PLXND1: variants seen among roughly 807,000 people sequenced by gnomAD.
PLXND1 encodes plexin D1.
In PLXND1, 54 loss-of-function variants were observed where a neutral mutation model predicts 197.7. The ratio of observed to expected loss-of-function variants is 0.27; its 90% CI spans 0.22 to 0.34. The LOEUF is 0.34. Ranked by LOEUF, PLXND1 falls within the 10% of genes least tolerant of loss-of-function variation. PLXND1 has a pLI of 1.00. For synonymous variants in PLXND1, 1,180 were observed against 1,161.2 expected (o/e 1.02, Z -0.33); for missense variants, 2,127 against 2,699.2 (o/e 0.79, Z 4.70).
intron 8 of PLXND1, among the ~76,000 whole-genome samples, chr3:129,579,665 C>A (rs969232486): frequency 1.3e-5 from 2 of 152,210 alleles, no homozygotes; most frequent in African/African-American, 4.8e-5. Context: ...GGACTACAAC[C>A]ACCCTTCAGC....
At position 129,605,469 on chromosome 3, in the gene PLXND1, A is replaced by T. The variant is rs1274862907; in HGVS notation, c.1171T>A (p.Phe391Ile). ...GCGGCTCGCACGTCGGCGAAGCGGA[A>T]GGCGCAGAGTGCGGCCGGAGCAGCG... ...ARAAPAALCA[F>I]RFADVRAAIR... The change falls in exon 1 of 36, where the codon TTC becomes ATC. Residue 391 changes from phenylalanine (F) to isoleucine (I), a missense_variant. Coordinates refer to ENST00000324093, the MANE Select transcript of PLXND1 (RefSeq NM_015103.3). The T allele has an allele frequency of 6.7e-7, 1 of 1,501,084 alleles. No individual in the cohort carries two copies. The highest frequency in any genetic ancestry group is 2.1e-5 in the Admixed American group (1 of 46,606). 93.0% of individuals were successfully genotyped at this position (1,501,084 alleles called of 1,614,324 possible).
At chr3:129,588,592 C>T (rs1038047048) in intron 2 of PLXND1, among the ~76,000 whole-genome samples, 5 of 152,366 alleles carry the variant, frequency 3.3e-5, no homozygotes, top group Non-Finnish European at 5.9e-5. Context: ...ACAGCGTCTG[C>T]CCAGGCAGTG....
intron 3 of PLXND1, 25 bp from the exon 4 acceptor site, chr3:129,586,297 C>T: frequency 2.0e-6 from 3 of 1,493,778 alleles, no homozygotes; most frequent in South Asian, 1.2e-5. Context: ...GGGGGCCCAG[C>T]TCAATGGGAC....
chr3:129,578,117 C>T (rs975545696), intron 9 of PLXND1, among the ~76,000 whole-genome samples: 3 of 152,234 alleles, frequency 2.0e-5, no homozygotes, highest in Non-Finnish European at 2.9e-5. Context: ...GCCCTCACCA[C>T]TTCCTCTTCT....
intron 8 of PLXND1, among the ~76,000 whole-genome samples, chr3:129,581,821 G>A (rs1447914625): frequency 6.6e-6 from 1 of 152,240 alleles, no homozygotes; most frequent in East Asian, 1.9e-4. Flanking sequence ...AATGCTGAAC[G>A]GACTGTGACG....
Position 129,558,499 on chromosome 3 carries a change from C to T in PLXND1, c.5374G>A (p.Asp1792Asn), listed in dbSNP as rs765136044. 5 of 1,613,974 alleles carry T rather than the reference C, an allele frequency of 3.1e-6. No homozygotes were observed. The highest frequency in any genetic ancestry group is 1.7e-5 in the Admixed American group (1 of 60,024). ...VFDIDKTDHI[D>N]ACLSVIAQAF... ...TGCGCGATGACTGAAAGGCAGGCGTCGATGTGGTCTGTCTTGTCGATGTCA... is the reference window on the plus strand; with the variant it reads ...TGCGCGATGACTGAAAGGCAGGCGTTGATGTGGTCTGTCTTGTCGATGTCA... The change falls in exon 33 of 36, where the codon GAC (aspartate) becomes AAC (asparagine). Residue 1792 changes from aspartate to asparagine, a missense_variant. Physicochemically the swap from Asp to Asn is conservative, Grantham distance 23. Transcript: ENST00000324093. The surrounding 1 kb of genome is among the most constrained non-coding windows in gnomAD (Gnocchi z 4.1).
rs74662777 is a variant in PLXND1, at chr3:129,575,401, G to A, written c.2530+68C>T. On this transcript the variant is annotated intron_variant, in intron 11 of 35. Coordinates refer to ENST00000324093, the MANE Select transcript of PLXND1 (RefSeq NM_015103.3). ...TTTGGGGCAACCACTGGAATGAGTC[G>A]CACAAGGCTGAGCCCCACCCACTGC... 2,873 of 961,184 alleles carry A rather than the reference G, an allele frequency of 3.0e-3. 57 individuals are homozygous for A. In the African/African-American group the frequency reaches 0.042, roughly 14 times the overall value. The allele number at this position is 961,184 out of a possible 1,614,324, so 59.5% of individuals were successfully genotyped here.
chr3:129,557,034 G>T lies in PLXND1; in HGVS notation c.5586+49C>A. 6.7e-7 allele frequency: 1 copy of T among 1,493,808 alleles called. No homozygotes were observed. The highest frequency in any genetic ancestry group is 9.2e-7 in the Non-Finnish European group (1 of 1,083,604). 92.5% of individuals were successfully genotyped at this position (1,493,808 alleles called of 1,614,324 possible). A position where few individuals can be genotyped will look rare whatever the true frequency, so the allele number is the denominator to read the frequency against. ...CATTGAGGCCCAGCCCCCGACCCCC[G>T]ATCCCTCAGCTCTTCAGGCCCCCAT... On this transcript the variant is annotated intron_variant, in intron 34 of 35. Transcript: ENST00000324093. This position sits in a 1 kb window ranked among gnomAD's most constrained non-coding sequence, Gnocchi z 4.8.
At position 129,584,394 on chromosome 3, in the gene PLXND1, G is replaced by C. The variant is rs1039247005; in HGVS notation, c.2020C>G (p.Pro674Ala). 6.2e-6 allele frequency: 10 copies of C among 1,612,544 alleles called. No individual in the cohort carries two copies. Among genetic ancestry groups the C allele is most frequent in the Admixed American group, 3.3e-5 (2 of 59,968 alleles). Residue 674 changes from proline to alanine, a missense_variant, in exon 6 of 36, where the codon CCC (proline) becomes GCC (alanine). Pro to Ala is a conservative substitution (Grantham distance 27). This residue lies in a region of PLXND1 where 1,095 missense variants were observed against 1,259.8 expected (regional missense o/e 0.87). Transcript: ENST00000324093. Reference sequence around the variant, plus strand: ...AGCACAGCGTGCTTACCCTGGTTGGGGGGGAAGGGCGGAAACTGGTCCCTC... The same window carrying C: ...AGCACAGCGTGCTTACCCTGGTTGGCGGGGAAGGGCGGAAACTGGTCCCTC... ...LPRDQFPPFP[P>A]NQDHVTVEMS...
chr3:129,558,466 T>C lies in PLXND1; in HGVS notation c.5407A>G (p.Ile1803Val). 1 of 1,613,950 alleles carries C rather than the reference T, an allele frequency of 6.2e-7. No individual in the cohort carries two copies. Among genetic ancestry groups the C allele is most frequent in the Non-Finnish European group, 8.5e-7 (1 of 1,180,004 alleles). Residue 1803 changes from isoleucine to valine, a missense_variant, in exon 33 of 36, where the codon ATC (isoleucine) becomes GTC (valine). Around this residue, in one of 6 missense-constraint regions of PLXND1, gnomAD observed 200 missense variants for 303.3 expected, o/e 0.66. Coordinates refer to ENST00000324093, the MANE Select transcript of PLXND1 (RefSeq NM_015103.3). The surrounding 1 kb of genome is among the most constrained non-coding windows in gnomAD (Gnocchi z 4.1). ...ACLSVIAQAF[I>V]DACSISDLQL... is the part of the protein sequence containing the mutation. The stretch of plus-strand genomic sequence containing the variant: ...AGGTCAGAGATGGAGCAGGCGTCGA[T>C]GAAGGCCTGCGCGATGACTGAAAGG...
At chr3:129,592,576 G>C (rs1182674513) in intron 1 of PLXND1, among the ~76,000 whole-genome samples, 1 of 152,118 alleles carries the variant, frequency 6.6e-6, no homozygotes, top group Non-Finnish European at 1.5e-5. Context: ...CAGGGAGGAG[G>C]GGAGCAGGAG....
chr3:129,605,293 G>GCCCCCGCCGCCT (rs916806650), intron 1 of PLXND1, 36 bp downstream of exon 1: 4 of 831,034 alleles, frequency 4.8e-6, no homozygotes, highest in Non-Finnish European at 6.3e-6. Flanking sequence ...CCCCGCCGCC[G>GCCCCCGCCGCCT]CCGCCGCCGC....
chr3:129,566,140 G>A, intron 23 of PLXND1, 123 bp from the exon 24 acceptor site: 1 of 953,504 alleles, frequency 1.0e-6, no homozygotes, highest in Non-Finnish European at 1.6e-6. Context: ...ACCTTCCACG[G>A]TGGATGCCTC....
Position 129,605,957 on chromosome 3 carries a change from T to C in PLXND1, c.683A>G (p.Glu228Gly). 6.2e-7 allele frequency: 1 copy of C among 1,612,640 alleles called. No homozygotes were observed. Among genetic ancestry groups the C allele is most frequent in the Non-Finnish European group, 8.5e-7 (1 of 1,179,826 alleles). ...SSFFPRNRSL[E>G]DHRFENTPEI... ...GGGCGTGTTCTCGAAGCGGTGGTCC[T>C]CCAGGCTGCGGTTGCGCGGGAAGAA... The change falls in exon 1 of 36, where the codon GAG becomes GGG. Residue 228 changes from glutamate (E) to glycine (G), a missense_variant. Glu to Gly is a moderately conservative substitution (Grantham distance 98, BLOSUM62 -2). This residue lies in a region of PLXND1 where 1,095 missense variants were observed against 1,259.8 expected (regional missense o/e 0.87). Transcript: ENST00000324093.
chr3:129,597,069 T>C (rs1025255073), intron 1 of PLXND1, among the ~76,000 whole-genome samples: 3 of 152,256 alleles, frequency 2.0e-5, no homozygotes, highest in African/African-American at 7.2e-5. Flanking sequence ...GACCTCTTTC[T>C]GTATTATCTC....
rs572084756 is a variant in PLXND1, at chr3:129,574,243, C to T, written c.2685+93G>A. 1.2e-4 allele frequency: 143 copies of T among 1,217,328 alleles called. No homozygotes were observed. In the African/African-American group the frequency reaches 1.3e-3, roughly 11 times the overall value. 75.4% of individuals were successfully genotyped at this position (1,217,328 alleles called of 1,614,324 possible). On this transcript the variant is annotated intron_variant, in intron 12 of 35. Coordinates refer to ENST00000324093, the MANE Select transcript of PLXND1 (RefSeq NM_015103.3). ...TGCACCCATGTGTCGGTGTATGTGC[C>T]GTTTGGGTCCCCAAGAAGTGGGACC... is the stretch of plus-strand genomic sequence containing the variant.
Position 129,605,446 on chromosome 3 carries a change from G to C in PLXND1, c.1194C>G (p.Ala398=), listed in dbSNP as rs1331308738. ...LCAFRFADVR[A]AIRAARTACF... ...AGGCGGTGCGCGCAGCTCGGATGGC[G>C]GCTCGCACGTCGGCGAAGCGGAAGG... Residue 398 remains alanine (A), a synonymous_variant, in exon 1 of 36, where the codon GCC becomes GCG. Coordinates refer to ENST00000324093, the MANE Select transcript of PLXND1 (RefSeq NM_015103.3). 6.0e-6 allele frequency: 9 copies of C among 1,502,364 alleles called. No homozygotes were observed. The highest frequency in any genetic ancestry group is 7.9e-6 in the Non-Finnish European group (9 of 1,133,258). The allele number at this position is 1,502,364 out of a possible 1,614,324, so 93.1% of individuals were successfully genotyped here.
chr3:129,599,858 T>C (rs1413258648), intron 1 of PLXND1, among the ~76,000 whole-genome samples: 2 of 152,190 alleles, frequency 1.3e-5, no homozygotes, highest in Non-Finnish European at 2.9e-5. Flanking sequence ...CTCCTGCTTC[T>C]ATCTGCGGAT....
At chr3:129,578,021 C>G (rs1001951802) in intron 9 of PLXND1, among the ~76,000 whole-genome samples, 10 of 152,212 alleles carry the variant, frequency 6.6e-5, no homozygotes, top group African/African-American at 2.4e-4. Context: ...AGCGTCCACC[C>G]TCCGGCTGTG....
Sources: allele counts gnomAD v4.1 joint callset (sites outside exome capture counted in the v4.1 genomes callset), GRCh38; gene constraint gnomAD v4.1.1; regional missense constraint gnomAD v4.1.1; non-coding constraint Gnocchi (gnomAD v3.1); transcripts MANE v1.5; gene names NCBI Gene and HGNC (gene_info 2026-07-23, HGNC 2026-07-21).